KCTD1: variants seen among roughly 807,000 people sequenced by gnomAD.
The protein encoded by KCTD1 is potassium channel tetramerization domain containing 1.
KCTD1 carries 24 observed loss-of-function variants against 66.0 expected under a neutral mutation model. The observed-to-expected ratio is 0.36, with a 90% CI of 0.26 to 0.51. The LOEUF (loss-of-function observed/expected upper bound fraction) is 0.51. Among genes scored for constraint, KCTD1 ranks in the 20% least tolerant of loss-of-function variants. KCTD1 has a pLI of 0.95. For synonymous variants in KCTD1, 511 were observed against 517.2 expected (o/e 0.99, Z 0.16); for missense variants, 943 against 1,205.2 (o/e 0.78, Z 3.22).
chr18:26,479,490 G>C (rs1981521788), intron 2 of KCTD1, among the ~76,000 whole-genome samples: 1 of 152,246 alleles, frequency 6.6e-6, no homozygotes, highest in Admixed American at 6.5e-5. Context: ...AACGCGCGCT[G>C]CCAGGGCAGA....
At chr18:26,643,719 T>G (rs1987874975), upstream of KCTD1, among the ~76,000 whole-genome samples, 1 of 152,016 alleles carries the variant, frequency 6.6e-6, no homozygotes, top group South Asian at 2.1e-4. Context: ...TCCCAGCACT[T>G]TGGGAGGCCA....
At position 26,505,417 on chromosome 18, in the gene KCTD1, C is replaced by A. The variant is rs182443297; in HGVS notation, c.1810-4167G>T. 1.8e-4 allele frequency among the ~76,000 whole-genome samples: 28 copies of A among 152,366 alleles called. 1 individual carries two copies. The East Asian group carries it at 5.2e-3, about 28-fold the overall frequency. The stretch of plus-strand genomic sequence containing the variant: ...AGACTATTTCGATTTCTGCGCATTG[C>A]TCAGGCAAAGAGCTCTGTGATAAAA... On this transcript the variant is annotated intron_variant, in intron 1 of 4. Coordinates refer to ENST00000580059, the MANE Select transcript of KCTD1 (RefSeq NM_001142730.3).
intron 1 of KCTD1, among the ~76,000 whole-genome samples, chr18:26,518,317 G>A (rs1206835461): frequency 6.8e-6 from 1 of 146,600 alleles, no homozygotes; most frequent in East Asian, 2.0e-4. Context: ...TTTTTTTTTT[G>A]AGACAGAGTC....
At chr18:26,551,273 G>A (rs888069457), upstream of KCTD1, among the ~76,000 whole-genome samples, 1 of 152,174 alleles carries the variant, frequency 6.6e-6, no homozygotes, top group African/African-American at 2.4e-5. Context: ...CCCCAGGGCA[G>A]GTCTCTACTG....
intron 1 of KCTD1, among the ~76,000 whole-genome samples, chr18:26,515,024 T>C (rs1176461567): frequency 1.3e-5 from 2 of 152,198 alleles, no homozygotes; most frequent in African/African-American, 4.8e-5. Flanking sequence ...ATTGAGCTAT[T>C]CTTTATAATT....
chr18:26,565,754 A>C (rs1334274795), intron 1 of KCTD1: 1 of 151,202 alleles, frequency 6.6e-6, no homozygotes, highest in Non-Finnish European at 1.5e-5. Flanking sequence ...AGGATGGAAG[A>C]GTCAAGTTTA....
chr18:26,491,146 T>C (rs762808188), intron 2 of KCTD1, among the ~76,000 whole-genome samples: 3 of 152,136 alleles, frequency 2.0e-5, no homozygotes, highest in Non-Finnish European at 4.4e-5. Flanking sequence ...GTGTTCCATG[T>C]AGGAGTGTGA....
intron 2 of KCTD1, among the ~76,000 whole-genome samples, chr18:26,498,996 T>C (rs1358782490): frequency 2.0e-5 from 3 of 152,204 alleles, no homozygotes; most frequent in Non-Finnish European, 4.4e-5. Context: ...TCCCAGGGGC[T>C]AAATCCTGGC....
chr18:26,492,906 A>ACCCAG (rs1982279911), intron 2 of KCTD1, among the ~76,000 whole-genome samples: 1 of 151,982 alleles, frequency 6.6e-6, no homozygotes, highest in African/African-American at 2.4e-5. Flanking sequence ...AATAAACCCA[A>ACCCAG]CCCAGCCTTT....
chr18:26,467,332 G>A (rs921834979), intron 3 of KCTD1, among the ~76,000 whole-genome samples: 3 of 151,940 alleles, frequency 2.0e-5, no homozygotes, highest in East Asian at 3.9e-4. Context: ...AACCTGTGGC[G>A]GCTCAGTGAG....
At chr18:26,509,377 T>G (rs1983218983) in intron 1 of KCTD1, among the ~76,000 whole-genome samples, 1 of 151,808 alleles carries the variant, frequency 6.6e-6, no homozygotes, top group Non-Finnish European at 1.5e-5. Flanking sequence ...TTCTTTTTTT[T>G]AAGAATATAA....
rs397858862 is a variant in KCTD1 at position 26,651,783 on chromosome 18, C to CAAA, written c.9+5574_9+5576dup. On this transcript the variant is annotated intron_variant, in intron 1 of 4. Coordinates refer to the KCTD1 transcript ENST00000580191. Reference sequence around the variant, plus strand: ...TGGGTGACAGAGCAAAACTCGGTCTCAAAAAAAAAAAAAAAAAAGAAGAAG... The same window carrying CAAA: ...TGGGTGACAGAGCAAAACTCGGTCTCAAAAAAAAAAAAAAAAAAAAAGAAGAAG... Among the ~76,000 whole-genome samples, 40 of 75,230 alleles carry CAAA rather than the reference C, an allele frequency of 5.3e-4. 1 individual carries two copies. The highest frequency in any genetic ancestry group is 6.7e-3 in the Middle Eastern group (1 of 150). 49.4% of individuals were successfully genotyped at this position (75,230 alleles called of 152,430 possible). A position where few individuals can be genotyped will look rare whatever the true frequency, so the allele number is the denominator to read the frequency against.
intron 3 of KCTD1, among the ~76,000 whole-genome samples, chr18:26,470,678 C>T (rs1225938374): frequency 6.6e-6 from 1 of 152,222 alleles, no homozygotes; most frequent in Admixed American, 6.5e-5. Context: ...TAGCTGGAAG[C>T]GTCCCTACCT....
chr18:26,502,790 G>A (rs1344600730), intron 1 of KCTD1, among the ~76,000 whole-genome samples: 1 of 152,212 alleles, frequency 6.6e-6, no homozygotes, highest in East Asian at 1.9e-4. Context: ...GTATGGCAAA[G>A]CCAGGGATAA....
At chr18:26,580,507 C>A (rs1986327086) in intron 1 of KCTD1, among the ~76,000 whole-genome samples, 1 of 152,106 alleles carries the variant, frequency 6.6e-6, no homozygotes, top group South Asian at 2.1e-4. Context: ...CACTCTCAGC[C>A]TGCGTTGGTG....
At position 26,548,485 on chromosome 18, in the gene KCTD1, C is replaced by A; in HGVS notation, c.52G>T (p.Ala18Ser). The A allele has an allele frequency of 2.4e-6, 3 of 1,237,986 alleles. No individual in the cohort carries two copies. Among genetic ancestry groups the A allele is most frequent in the Non-Finnish European group, 3.0e-6 (3 of 996,898 alleles). 76.7% of individuals were successfully genotyped at this position (1,237,986 alleles called of 1,614,324 possible). A position where few individuals can be genotyped will look rare whatever the true frequency, so the allele number is the denominator to read the frequency against. ...TCGGCGGCGGCGGCGGCAGCGCTGG[C>A]GCTGCCGCCCGCGCTGGTGTTACAG... Reference protein sequence around the residue: ...GDCNTSAGGSASAAAAAAENN... With the variant: ...GDCNTSAGGSSSAAAAAAENN... The change falls in exon 1 of 5, where the codon GCC becomes TCC. Residue 18 changes from alanine (A) to serine (S), a missense_variant. Ala to Ser is a moderately conservative substitution (Grantham distance 99). This residue lies in a region of KCTD1 where 236 missense variants were observed against 206.6 expected (regional missense o/e 1.14). Transcript: ENST00000580059.
intron 1 of KCTD1, among the ~76,000 whole-genome samples, chr18:26,517,125 C>T (rs775850888): frequency 1.3e-5 from 2 of 152,200 alleles, no homozygotes; most frequent in Non-Finnish European, 2.9e-5. Context: ...TCAGCCCACA[C>T]TCTGAGAAGC....
chr18:26,466,713 T>C (rs192152242), intron 3 of KCTD1, among the ~76,000 whole-genome samples: 1 of 152,360 alleles, frequency 6.6e-6, no homozygotes, highest in Admixed American at 6.5e-5. Context: ...CCTAGCATCA[T>C]TAATGGTGGC....
At chr18:26,520,014 C>G (rs1446714068) in intron 1 of KCTD1, among the ~76,000 whole-genome samples, 1 of 152,228 alleles carries the variant, frequency 6.6e-6, no homozygotes, top group Admixed American at 6.5e-5. Flanking sequence ...AATATGTCCT[C>G]AATGTCAAAT....
Sources: allele counts gnomAD v4.1 joint callset (sites outside exome capture counted in the v4.1 genomes callset), GRCh38; gene constraint gnomAD v4.1.1; regional missense constraint gnomAD v4.1.1; transcripts MANE v1.5; gene names NCBI Gene and HGNC (gene_info 2026-07-23, HGNC 2026-07-21).